The following ENOX1 variants were observed in gnomAD, a reference collection of about 807,000 sequenced individuals.
ENOX1 encodes the protein ecto-NOX disulfide-thiol exchanger 1.
In ENOX1, 42 loss-of-function variants were observed where a neutral mutation model predicts 82.5. The ratio of observed to expected loss-of-function variants is 0.51; its 90% confidence interval spans 0.40 to 0.66. ENOX1 has a LOEUF of 0.66. Among genes scored for constraint, ENOX1 ranks in the 30% least tolerant of loss-of-function variants. The pLI is 0.00. For synonymous variants in ENOX1, 271 were observed against 282.2 expected, an observed-to-expected ratio of 0.96 and a Z score of 0.40; for missense variants, 608 against 811.6, an observed-to-expected ratio of 0.75 and a Z score of 3.05.
intron 2 of ENOX1, among the ~76,000 whole-genome samples, chr13:43,665,772 C>T (rs189034081): frequency 6.6e-6 from 1 of 151,758 alleles, no homozygotes; most frequent in Admixed American, 6.6e-5. Flanking sequence ...CTGGACTAAA[C>T]TGAAGGCAAG....
intron 5 of ENOX1, among the ~76,000 whole-genome samples, chr13:43,403,665 G>A (rs537316474): frequency 9.2e-5 from 14 of 151,978 alleles, no homozygotes; most frequent in Non-Finnish European, 1.9e-4. Context: ...TGGGCAACAT[G>A]GTGTGAATTC....
chr13:43,248,449 T>G (rs977907105), intron 14 of ENOX1, among the ~76,000 whole-genome samples: 1 of 151,982 alleles, frequency 6.6e-6, no homozygotes. Flanking sequence ...AGTATCATTT[T>G]AAAATAACAC....
At chr13:43,433,227 G>A (rs2025298) in intron 3 of ENOX1, among the ~76,000 whole-genome samples, 21,524 of 152,074 alleles carry the variant, frequency 0.14, 2,125 homozygotes, top group East Asian at 0.51. Flanking sequence ...GTGAACATGT[G>A]TGAAGAGGCA....
intron 5 of ENOX1, among the ~76,000 whole-genome samples, chr13:43,395,544 G>A (rs137894443): frequency 1.8e-4 from 27 of 152,194 alleles, no homozygotes; most frequent in South Asian, 8.3e-4. Flanking sequence ...CAAAACCAGC[G>A]TGAGATATTA....
intron 3 of ENOX1, among the ~76,000 whole-genome samples, chr13:43,451,774 ACCT>A (rs2056981350): frequency 6.6e-6 from 1 of 152,208 alleles, no homozygotes; most frequent in Non-Finnish European, 1.5e-5. Flanking sequence ...CAAATAATAA[ACCT>A]TTCTCATATA....
intron 5 of ENOX1, among the ~76,000 whole-genome samples, chr13:43,372,873 G>C (rs2051332169): frequency 6.6e-6 from 1 of 152,108 alleles, no homozygotes; most frequent in Non-Finnish European, 1.5e-5. Context: ...GCAGCAGACA[G>C]ATGGAGGGAC....
At chr13:43,758,382 G>T (rs1057420898) in intron 1 of ENOX1, among the ~76,000 whole-genome samples, 1 of 152,114 alleles carries the variant, frequency 6.6e-6, no homozygotes, top group Non-Finnish European at 1.5e-5. Flanking sequence ...AGACAATCTC[G>T]AAAGGCTGAA....
chr13:43,772,746 C>CT (rs1420849444), intron 1 of ENOX1, among the ~76,000 whole-genome samples: 5 of 60,326 alleles, frequency 8.3e-5, no homozygotes, highest in African/African-American at 2.6e-4. Context: ...AAGACTCTGT[C>CT]TTTAAAAAAA....
rs781279875 is a variant in ENOX1, at chr13:43,344,626, C to G, written c.948G>C (p.Arg316=). The change falls in exon 9 of 17, where the codon CGG becomes CGC. Residue 316 remains arginine, a synonymous_variant. Transcript: ENST00000690772. ...CATGGGTGGCTTTTTCATTCATTAGCCGGCGGACGTGGCTGTTGGCCGACT... is the reference window on the plus strand; with the variant it reads ...CATGGGTGGCTTTTTCATTCATTAGGCGGCGGACGTGGCTGTTGGCCGACT... The part of the protein sequence containing the change: ...MVQSANSHVR[R]LMNEKATHEQ... 2.5e-6 allele frequency: 4 copies of G among 1,613,988 alleles called. No homozygotes were observed. The Admixed American group carries it at 6.7e-5, about 27-fold the overall frequency.
chr13:43,365,866 G>GT (rs758446474), intron 5 of ENOX1, among the ~76,000 whole-genome samples: 2 of 152,240 alleles, frequency 1.3e-5, no homozygotes, highest in African/African-American at 2.4e-5. Context: ...CAGGGACAGA[G>GT]TAAGTGTGTG....
In ENOX1 at chr13:43,664,030, T is replaced by C. The variant is rs190526113; in HGVS notation, c.-219+3449A>G. 3.1e-3 allele frequency among the ~76,000 whole-genome samples: 470 copies of C among 152,294 alleles called. 2 individuals carry two copies. The highest frequency in any genetic ancestry group is 0.01 in the African/African-American group (425 of 41,576). On this transcript the variant is annotated intron_variant, in intron 2 of 16. Transcript: ENST00000690772. ...ACATTAAGATTCCTATTTTAACTGA[T>C]TTGTGTACAAAAATTTTCTGAAAAA... is the stretch of plus-strand genomic sequence containing the variant.
Position 43,278,876 on chromosome 13 carries a change from G to T in ENOX1, c.1447-9299C>A, listed in dbSNP as rs945964907. Among the ~76,000 whole-genome samples the T allele has an allele frequency of 2.6e-5, 4 of 151,980 alleles. No individual in the cohort carries two copies. In the East Asian group the frequency reaches 7.7e-4, roughly 29 times the overall value. Reference sequence around the variant, plus strand: ...GCATAAATATACATGAAGTTCAAAAGAAAAAAATTTTAGTCTGCATTTCTT... The same window carrying T: ...GCATAAATATACATGAAGTTCAAAATAAAAAAATTTTAGTCTGCATTTCTT... On this transcript the variant is annotated intron_variant, in intron 12 of 16. Transcript: ENST00000690772.
intron 3 of ENOX1, among the ~76,000 whole-genome samples, chr13:43,442,961 T>C (rs189688109): frequency 0.014 from 2,107 of 152,234 alleles, 26 homozygotes; most frequent in Non-Finnish European, 0.021. Context: ...AAATATACTA[T>C]GGAAAAACAA....
rs10555409 is a variant in ENOX1 at position 43,310,197 on chromosome 13, C to CAAAAAAAAAAAAA, written c.1262-11680_1262-11668dup. On this transcript the variant is annotated intron_variant, in intron 11 of 16. Transcript: ENST00000690772. The stretch of plus-strand genomic sequence containing the variant: ...CTGGTGACAGAGCGAGATTCCATCT[C>CAAAAAAAAAAAAA]AAAAAAAAAAAAAAAAAAAAAAAAA... 2.4e-5 allele frequency among the ~76,000 whole-genome samples: 2 copies of CAAAAAAAAAAAAA among 82,604 alleles called. 1 individual carries two copies. The allele number at this position is 82,604 out of a possible 152,430, so 54.2% of individuals were successfully genotyped here. A position where few individuals can be genotyped will look rare whatever the true frequency, so the allele number is the denominator to read the frequency against.
intron 5 of ENOX1, among the ~76,000 whole-genome samples, chr13:43,399,705 A>C (rs1302477446): frequency 6.6e-6 from 1 of 152,208 alleles, no homozygotes; most frequent in Non-Finnish European, 1.5e-5. Context: ...TACGCAGCTA[A>C]GGGAACAAGC....
chr13:43,395,692 G>C (rs1010984764), intron 5 of ENOX1, among the ~76,000 whole-genome samples: 1 of 152,116 alleles, frequency 6.6e-6, no homozygotes, highest in African/African-American at 2.4e-5. Context: ...TTGCCCCAAT[G>C]TTGCTTTCAT....
chr13:43,646,023 G>C (rs186151011), intron 2 of ENOX1, among the ~76,000 whole-genome samples: 2 of 152,310 alleles, frequency 1.3e-5, no homozygotes, highest in East Asian at 1.9e-4. Context: ...CTGGGCAAGT[G>C]TGCCAGAAAC....
At chr13:43,519,811 C>T (rs1042373706) in intron 2 of ENOX1, among the ~76,000 whole-genome samples, 1 of 152,180 alleles carries the variant, frequency 6.6e-6, no homozygotes, top group Non-Finnish European at 1.5e-5. Context: ...CCATAAGCAA[C>T]CTTCTTGGCA....
chr13:43,370,089 C>T (rs547660716), intron 5 of ENOX1, among the ~76,000 whole-genome samples: 12 of 152,302 alleles, frequency 7.9e-5, no homozygotes, highest in East Asian at 5.8e-4. Flanking sequence ...CTTCTTGGGC[C>T]GGGCGCGGTG....
Sources: allele counts gnomAD v4.1 joint callset (sites outside exome capture counted in the v4.1 genomes callset), GRCh38; gene constraint gnomAD v4.1.1; transcripts MANE v1.5; gene names NCBI Gene and HGNC (gene_info 2026-07-23, HGNC 2026-07-21).